Variants in SLC22A15 observed in about 807,000 individuals in gnomAD.
SLC22A15 encodes the protein solute carrier family 22 member 15.
In SLC22A15, 45 loss-of-function variants were observed where a neutral mutation model predicts 62.7. That is an observed-to-expected ratio of 0.72 (90% CI 0.56 to 0.92). The LOEUF (loss-of-function observed/expected upper bound fraction) is 0.92, where lower values mean the gene tolerates loss of function less well. Ranked by LOEUF, SLC22A15 falls within the 40% of genes least tolerant of loss-of-function variation. The pLI, the probability that SLC22A15 is intolerant of heterozygous loss-of-function variation, is 0.00. For missense variants in SLC22A15, 622 were observed against 665.6 expected (o/e 0.93, Z 0.72); for synonymous variants, 264 against 267.0 (o/e 0.99, Z 0.11).
chr1:115,992,126 C>T lies in SLC22A15; in HGVS notation c.183C>T (p.His61=), dbSNP rs748295058. 1.4e-5 allele frequency: 22 copies of T among 1,613,772 alleles called. No homozygotes were observed. The South Asian group carries it at 1.5e-4, about 11-fold the overall frequency. ...DLAELLPNQS[H]GNQSAGEDQA... Reference sequence around the variant, plus strand: ...CAGAGCTCCTGCCAAATCAGAGCCACGGTAACCAGTCAGCTGGTGAAGACC... The same window carrying T: ...CAGAGCTCCTGCCAAATCAGAGCCATGGTAACCAGTCAGCTGGTGAAGACC... Residue 61 remains histidine, a synonymous_variant, in exon 2 of 12, where the codon CAC becomes CAT. Coordinates refer to ENST00000369503, the MANE Select transcript of SLC22A15 (RefSeq NM_018420.3).
chr1:116,007,298 T>C lies in SLC22A15; in HGVS notation c.301-12284T>C, dbSNP rs545474824. The stretch of plus-strand genomic sequence containing the variant: ...CCTCATACTGCCACCCCGTGGCACC[T>C]CCACCCTCCCTCAGGGCTCTTTGGG... On this transcript the variant is annotated intron_variant, in intron 2 of 11. Transcript: ENST00000369503. 3.3e-5 allele frequency among the ~76,000 whole-genome samples: 5 copies of C among 152,316 alleles called. 1 individual carries two copies. In the East Asian group the frequency reaches 5.8e-4, roughly 18 times the overall value.
intron 2 of SLC22A15, among the ~76,000 whole-genome samples, chr1:116,010,243 A>G (rs929654585): frequency 3.3e-5 from 5 of 152,232 alleles, no homozygotes; most frequent in Non-Finnish European, 7.3e-5. Context: ...TTTGCAACCA[A>G]AAAGTGTAAG....
intron 8 of SLC22A15, 86 bp from the exon 9 acceptor site, chr1:116,062,676 C>A: frequency 6.6e-7 from 1 of 1,505,112 alleles, no homozygotes; most frequent in Non-Finnish European, 9.1e-7. Context: ...AACATGAATG[C>A]CACCTGCTCC....
intron 5 of SLC22A15, among the ~76,000 whole-genome samples, chr1:116,027,826 T>G (rs972428954): frequency 6.6e-6 from 1 of 152,168 alleles, no homozygotes; most frequent in Non-Finnish European, 1.5e-5. Context: ...GGTTTCTCCA[T>G]GTTGGTCAGG....
intron 5 of SLC22A15, 103 bp downstream of exon 5, chr1:116,027,125 T>C (rs1657134089): frequency 8.8e-7 from 1 of 1,137,064 alleles, no homozygotes; most frequent in Non-Finnish European, 1.3e-6. Flanking sequence ...GGAGCTTGCC[T>C]GCACTGACTT....
At chr1:116,007,914 T>G (rs1388617256) in intron 2 of SLC22A15, among the ~76,000 whole-genome samples, 3 of 152,204 alleles carry the variant, frequency 2.0e-5, no homozygotes, top group African/African-American at 7.2e-5. Context: ...AGCTAGATAC[T>G]TTGCTGTTGT....
Position 116,020,842 on chromosome 1 carries a change from C to T in SLC22A15, c.555C>T (p.Val185=), listed in dbSNP as rs111313186. 7.4e-6 allele frequency: 12 copies of T among 1,613,498 alleles called. No homozygotes were observed. Among genetic ancestry groups the T allele is most frequent in the Non-Finnish European group, 1.0e-5 (12 of 1,179,636 alleles). ...GAGGGATGTCGCTGGTGGCCTTTGT[C>T]TTGCTTAATGAATGTGTGGGCACCG... The part of the protein sequence containing the change: ...MNGGMSLVAF[V]LLNECVGTAY... The change falls in exon 4 of 12, where the codon GTC becomes GTT. Residue 185 remains valine, a synonymous_variant. Coordinates refer to ENST00000369503, the MANE Select transcript of SLC22A15 (RefSeq NM_018420.3).
chr1:115,992,532 A>G (rs1022348144), intron 2 of SLC22A15, among the ~76,000 whole-genome samples: 2 of 152,198 alleles, frequency 1.3e-5, no homozygotes, highest in Admixed American at 6.5e-5. Flanking sequence ...AAAGTGAATT[A>G]AAACTTTAAT....
At chr1:115,987,714 A>C (rs954616153) in intron 1 of SLC22A15, among the ~76,000 whole-genome samples, 1 of 152,196 alleles carries the variant, frequency 6.6e-6, no homozygotes, top group South Asian at 2.1e-4. Flanking sequence ...AACTAAAGGT[A>C]ATGGCAACAA....
At chr1:115,991,970 G>C in intron 1 of SLC22A15, 61 bp from the exon 2 acceptor site, 2 of 1,436,176 alleles carry the variant, frequency 1.4e-6, no homozygotes. Flanking sequence ...AGCCTGCTAA[G>C]TGTCTTCAAC....
At chr1:116,024,404 C>G (rs1338529379) in intron 4 of SLC22A15, among the ~76,000 whole-genome samples, 2 of 152,018 alleles carry the variant, frequency 1.3e-5, no homozygotes, top group Non-Finnish European at 2.9e-5. Flanking sequence ...GCAAACTGAG[C>G]AGGAATAGCG....
rs1287742294 is a variant in SLC22A15 at position 116,000,159 on chromosome 1, G to T, written c.300+7916G>T. 2.0e-5 allele frequency among the ~76,000 whole-genome samples: 3 copies of T among 151,690 alleles called. No individual in the cohort carries two copies. The East Asian group carries it at 5.8e-4, about 29-fold the overall frequency. On this transcript the variant is annotated intron_variant, in intron 2 of 11. Coordinates refer to ENST00000369503, the MANE Select transcript of SLC22A15 (RefSeq NM_018420.3). ...CTGCCCTTTTGTTATTTGTTTTCTG[G>T]TTGTTTTGTGGTTTTCTCTTCCTTT...
At chr1:116,032,364 G>A (rs1288660189) in intron 6 of SLC22A15, 7 of 985,262 alleles carry the variant, frequency 7.1e-6, no homozygotes, top group Non-Finnish European at 8.4e-6. Flanking sequence ...TGCCATAAGT[G>A]TTATCTGGGC....
chr1:116,068,589 A>G lies in SLC22A15; in HGVS notation c.*1481A>G, dbSNP rs1658549734. 6.6e-6 allele frequency: 1 copy of G among 152,190 alleles called. No individual in the cohort carries two copies. Among genetic ancestry groups the G allele is most frequent in the African/African-American group, 2.4e-5 (1 of 41,458 alleles). 9.4% of individuals were successfully genotyped at this position (152,190 alleles called of 1,614,324 possible). On this transcript the variant is annotated 3_prime_UTR_variant, in exon 12 of 12. Coordinates refer to ENST00000369503, the MANE Select transcript of SLC22A15 (RefSeq NM_018420.3). ...GTTGGGCTCTTCATAAACAGAGGCC[A>G]TCTCTACTACTGTTTATTTTTCCCT...
intron 6 of SLC22A15, among the ~76,000 whole-genome samples, chr1:116,034,690 A>G (rs1394066533): frequency 1.3e-5 from 2 of 152,142 alleles, no homozygotes; most frequent in Non-Finnish European, 2.9e-5. Flanking sequence ...AGTGCCAGTC[A>G]TTTTGGGCCT....
At chr1:115,976,781 C>A (rs1026886869) in intron 1 of SLC22A15, 67 bp downstream of exon 1, 4 of 1,259,868 alleles carry the variant, frequency 3.2e-6, no homozygotes, top group African/African-American at 1.5e-5. Flanking sequence ...GCTAGGCGTC[C>A]GCTCCCAGAC....
intron 8 of SLC22A15, among the ~76,000 whole-genome samples, chr1:116,053,708 G>A (rs1008088657): frequency 5.9e-5 from 9 of 152,134 alleles, no homozygotes; most frequent in Admixed American, 5.2e-4. Context: ...CGGATCTCTT[G>A]GCAGAAACTC....
chr1:116,027,628 AG>A (rs914996462), intron 5 of SLC22A15, among the ~76,000 whole-genome samples: 16 of 150,934 alleles, frequency 1.1e-4, no homozygotes, highest in Non-Finnish European at 1.6e-4. Flanking sequence ...TTTCCCCAGA[AG>A]TTTTTTTTTT....
chr1:116,022,738 C>G (rs1401839171), intron 4 of SLC22A15, among the ~76,000 whole-genome samples: 2 of 152,112 alleles, frequency 1.3e-5, no homozygotes, highest in Non-Finnish European at 2.9e-5. Flanking sequence ...ATGAGACTAT[C>G]AAAATTTCTG....
Sources: gnomAD v4.1 joint callset for allele counts (sites outside exome capture counted in the v4.1 genomes callset) on GRCh38, gnomAD v4.1.1 for gene constraint, MANE v1.5 for transcripts, NCBI Gene and HGNC (gene_info 2026-07-23, HGNC 2026-07-21) for gene names.